Variants in VGLL3 observed in about 807,000 individuals in gnomAD.
The protein encoded by VGLL3 is transcription cofactor vestigial-like protein 3.
Under a neutral mutation model 29.2 loss-of-function variants are expected in VGLL3, and 18 were observed. That is an observed-to-expected ratio of 0.62 (90% CI 0.43 to 0.91). The LOEUF (loss-of-function observed/expected upper bound fraction) is 0.91, where lower values mean the gene tolerates loss of function less well. Ranked by LOEUF, VGLL3 falls within the 40% of genes least tolerant of loss-of-function variation. The pLI, the probability that VGLL3 is intolerant of heterozygous loss-of-function variation, is 0.00. For synonymous variants in VGLL3, 180 were observed against 151.8 expected (o/e 1.19, Z -1.36); for missense variants, 440 against 413.2 (o/e 1.06, Z -0.56).
intron 1 of VGLL3, among the ~76,000 whole-genome samples, 153 bp from the exon 2 acceptor site, chr3:86,978,955 C>T (rs1467462589): frequency 6.6e-6 from 1 of 152,052 alleles, no homozygotes; most frequent in African/African-American, 2.4e-5. Context: ...CTTTTTCCTC[C>T]CCAAACCAGT....
chr3:86,979,229 T>C (rs568564016), intron 1 of VGLL3, among the ~76,000 whole-genome samples: 1 of 152,310 alleles, frequency 6.6e-6, no homozygotes, highest in African/African-American at 2.4e-5. Context: ...GAGGAATGAC[T>C]GTCTGGGGGT....
intron 2 of VGLL3, 78 bp from the exon 3 acceptor site, chr3:86,969,201 T>A (rs1173701994): frequency 1.4e-6 from 2 of 1,449,002 alleles, no homozygotes; most frequent in African/African-American, 1.4e-5. Context: ...TTGTCCACTC[T>A]AATTGTCCAA....
rs1390612233 is a variant in VGLL3, at chr3:86,945,574, A to C, written c.*1450T>G. ...CAGTATCAATAACTGTTACTTTCAT[A>C]ATCTTAATCTTCTCCTAGCAGTGTC... is the stretch of plus-strand genomic sequence containing the variant. On this transcript the variant is annotated 3_prime_UTR_variant, in exon 4 of 4. Coordinates refer to ENST00000398399, the MANE Select transcript of VGLL3 (RefSeq NM_016206.4). 2.6e-5 allele frequency: 4 copies of C among 152,164 alleles called. No homozygotes were observed. Among genetic ancestry groups the C allele is most frequent in the African/African-American group, 9.6e-5 (4 of 41,464 alleles). 9.4% of individuals were successfully genotyped at this position (152,164 alleles called of 1,614,324 possible). A position where few individuals can be genotyped will look rare whatever the true frequency, so the allele number is the denominator to read the frequency against.
intron 3 of VGLL3, among the ~76,000 whole-genome samples, chr3:86,948,983 A>AT (rs1172827459): frequency 9.2e-5 from 14 of 152,138 alleles, no homozygotes; most frequent in Non-Finnish European, 1.5e-4. Context: ...CTATATAAAT[A>AT]TTTTTTTAAT....
chr3:86,964,339 C>A (rs891619960), intron 3 of VGLL3, among the ~76,000 whole-genome samples: 1 of 152,052 alleles, frequency 6.6e-6, no homozygotes, highest in Non-Finnish European at 1.5e-5. Context: ...TTTGCTAACC[C>A]CTGGATTATG....
At chr3:86,953,354 T>C (rs929647954) in intron 3 of VGLL3, among the ~76,000 whole-genome samples, 1 of 152,120 alleles carries the variant, frequency 6.6e-6, no homozygotes, top group African/African-American at 2.4e-5. Flanking sequence ...GGCTGCACAA[T>C]ATTTATTCTA....
chr3:86,976,030 C>T (rs1705203683), intron 2 of VGLL3, among the ~76,000 whole-genome samples: 1 of 152,050 alleles, frequency 6.6e-6, no homozygotes, highest in Non-Finnish European at 1.5e-5. Context: ...AGGAGAATCG[C>T]TGGAACTGGG....
rs1317663230 is a variant in VGLL3, at chr3:86,978,634, C to G, written c.295G>C (p.Gly99Arg). ...GAGAAGTGTTCATCCACTACTGACC[C>G]AATGTCTCCCTGGAAATAAGTGAAA... ...VLFTYFQGDI[G>R]SVVDEHFSRA... is the part of the protein sequence containing the mutation. Residue 99 changes from glycine to arginine, a missense_variant, in exon 2 of 4, where the codon GGG (glycine) becomes CGG (arginine). Physicochemically the swap from Gly to Arg is moderately radical, Grantham distance 125. Transcript: ENST00000398399. 6.2e-7 allele frequency: 1 copy of G among 1,614,160 alleles called. No homozygotes were observed. The highest frequency in any genetic ancestry group is 1.7e-5 in the Admixed American group (1 of 60,008).
At chr3:86,960,128 A>G (rs936797448) in intron 3 of VGLL3, among the ~76,000 whole-genome samples, 2 of 152,192 alleles carry the variant, frequency 1.3e-5, no homozygotes, top group Non-Finnish European at 2.9e-5. Flanking sequence ...TTAAACACTA[A>G]GGTAGTTTAA....
chr3:86,976,533 C>T (rs1051217240), intron 2 of VGLL3, among the ~76,000 whole-genome samples: 1 of 152,130 alleles, frequency 6.6e-6, no homozygotes, highest in African/African-American at 2.4e-5. Context: ...ATTTGAAGAT[C>T]AAATTTAAGA....
chr3:86,956,832 T>C (rs186141364), intron 3 of VGLL3, among the ~76,000 whole-genome samples: 1 of 146,914 alleles, frequency 6.8e-6, no homozygotes, highest in East Asian at 2.0e-4. Flanking sequence ...ATACTTAAGA[T>C]AACGAGGGAT....
intron 3 of VGLL3, among the ~76,000 whole-genome samples, chr3:86,952,086 T>C (rs931426040): frequency 1.3e-5 from 2 of 152,168 alleles, no homozygotes; most frequent in African/African-American, 4.8e-5. Flanking sequence ...GGACAGTTTT[T>C]AACTTGGACG....
chr3:86,961,836 G>C, intron 3 of VGLL3: 1 of 720,680 alleles, frequency 1.4e-6, no homozygotes, highest in Non-Finnish European at 1.7e-6. Context: ...AGCTAAATGA[G>C]AAGTTAATAA....
At chr3:86,952,654 G>T (rs1704638978) in intron 3 of VGLL3, among the ~76,000 whole-genome samples, 1 of 152,118 alleles carries the variant, frequency 6.6e-6, no homozygotes, top group Admixed American at 6.5e-5. Flanking sequence ...ATGTGGATTA[G>T]AATGCTTACT....
At chr3:86,972,573 A>T (rs1705126238) in intron 2 of VGLL3, among the ~76,000 whole-genome samples, 3 of 152,102 alleles carry the variant, frequency 2.0e-5, no homozygotes, top group Admixed American at 2.0e-4. Flanking sequence ...ATGTATGTAA[A>T]TTTTTTTCAT....
intron 2 of VGLL3, among the ~76,000 whole-genome samples, chr3:86,970,800 G>A (rs1396354331): frequency 6.6e-6 from 1 of 152,142 alleles, no homozygotes; most frequent in Non-Finnish European, 1.5e-5. Flanking sequence ...TGGGCTGGGA[G>A]ACCAAGGAGC....
At chr3:86,962,462 T>A in intron 3 of VGLL3, 15 of 985,400 alleles carry the variant, frequency 1.5e-5, no homozygotes, top group Non-Finnish European at 1.8e-5. Flanking sequence ...ACCACCTTAC[T>A]TCATTCCTAT....
intron 1 of VGLL3, among the ~76,000 whole-genome samples, chr3:86,983,763 G>C (rs1705378561): frequency 6.6e-6 from 1 of 152,128 alleles, no homozygotes; most frequent in Non-Finnish European, 1.5e-5. Flanking sequence ...AGTTATATGA[G>C]GTTGGGTCAA....
Position 86,942,282 on chromosome 3 carries a change from A to T in VGLL3, c.*4742T>A, listed in dbSNP as rs985969461. 1.2e-4 allele frequency: 19 copies of T among 152,168 alleles called. No homozygotes were observed. Among genetic ancestry groups the T allele is most frequent in the African/African-American group, 4.6e-4 (19 of 41,442 alleles). The allele number at this position is 152,168 out of a possible 1,614,324, so 9.4% of individuals were successfully genotyped here. A position where few individuals can be genotyped will look rare whatever the true frequency, so the allele number is the denominator to read the frequency against. On this transcript the variant is annotated 3_prime_UTR_variant, in exon 4 of 4. Transcript: ENST00000398399. ...TTTCCCTTGGCTGCAAAGGTGATCA[A>T]TCAGGAATCCAAACTGCCATCAATA...
Sources: gnomAD v4.1 joint callset for allele counts (sites outside exome capture counted in the v4.1 genomes callset) on GRCh38, gnomAD v4.1.1 for gene constraint, MANE v1.5 for transcripts, NCBI Gene and HGNC (gene_info 2026-07-23, HGNC 2026-07-21) for gene names.